The following WRN variants were observed in gnomAD, a reference collection of about 807,000 sequenced individuals.
The protein encoded by WRN is WRN RecQ like helicase.
In WRN, 149 loss-of-function variants were observed where a neutral mutation model predicts 180.7. The ratio of observed to expected loss-of-function variants is 0.82; its 90% CI spans 0.72 to 0.94. The LOEUF is 0.94. Among genes scored for constraint, WRN ranks in the 40% least tolerant of loss-of-function variants. The probability of loss-of-function intolerance (pLI) is 0.00; values close to 1 mark genes in which losing one functional copy is unlikely to be tolerated. For synonymous variants in WRN, 548 were observed against 568.9 expected, an observed-to-expected ratio of 0.96 and a Z score of 0.52; for missense variants, 1,661 against 1,700.1, an observed-to-expected ratio of 0.98 and a Z score of 0.40.
Position 31,081,065 on chromosome 8 carries a change from A to T in WRN, c.1038A>T (p.Thr346=). Residue 346 remains threonine, a synonymous_variant, in exon 9 of 35, where the codon ACA becomes ACT. Transcript: ENST00000298139. The part of the protein sequence containing the change: ...HEVLIHVEDE[T]WDPTLDHLAK... ...TTTTAATTCACGTTGAAGATGAAAC[A>T]TGGGACCCAACACTTGATCATTTAG... 1 of 1,614,064 alleles carries T rather than the reference A, an allele frequency of 6.2e-7. No homozygotes were observed.
intron 33 of WRN, among the ~76,000 whole-genome samples, chr8:31,161,987 T>C (rs1585542991): frequency 6.6e-6 from 1 of 152,246 alleles, no homozygotes; most frequent in Admixed American, 6.5e-5. Context: ...TGCTGTAGAC[T>C]TTATAAACCC....
At chr8:31,048,165 T>A (rs1386796430) in intron 1 of WRN, among the ~76,000 whole-genome samples, 2 of 152,210 alleles carry the variant, frequency 1.3e-5, no homozygotes, top group Admixed American at 1.3e-4. Context: ...CTACTACTTT[T>A]AAAAATTACA....
intron 33 of WRN, among the ~76,000 whole-genome samples, chr8:31,160,150 TAAC>T (rs1224557192): frequency 2.0e-5 from 3 of 152,184 alleles, no homozygotes; most frequent in African/African-American, 7.2e-5. Flanking sequence ...GACAGTATCT[TAAC>T]AACGAATTCT....
intron 1 of WRN, among the ~76,000 whole-genome samples, chr8:31,053,060 G>T (rs940692368): frequency 6.6e-6 from 1 of 152,096 alleles, no homozygotes; most frequent in Admixed American, 6.6e-5. Flanking sequence ...AATCAAAAAG[G>T]CATTCATTTC....
intron 33 of WRN, among the ~76,000 whole-genome samples, chr8:31,157,873 G>A (rs973881400): frequency 3.3e-5 from 5 of 151,944 alleles, no homozygotes; most frequent in Non-Finnish European, 5.9e-5. Flanking sequence ...GACTACAGGC[G>A]TGTGCCACCA....
chr8:31,033,989 A>C lies in WRN; in HGVS notation c.-77+16A>C, dbSNP rs1811343170. ...TCTTCTCGGGGTAAAGTGTCTTCCTATTCCCGTTTTCCCAGCTCCGTGCCC... is the reference window on the plus strand; with the variant it reads ...TCTTCTCGGGGTAAAGTGTCTTCCTCTTCCCGTTTTCCCAGCTCCGTGCCC... On this transcript the variant is annotated intron_variant, in intron 1 of 34. Coordinates refer to ENST00000298139, the MANE Select transcript of WRN (RefSeq NM_000553.6). The C allele has an allele frequency of 6.6e-6, 1 of 152,182 alleles. No individual in the cohort carries two copies. The highest frequency in any genetic ancestry group is 6.5e-5 in the Admixed American group (1 of 15,282). 9.4% of individuals were successfully genotyped at this position (152,182 alleles called of 1,614,324 possible). A position where few individuals can be genotyped will look rare whatever the true frequency, so the allele number is the denominator to read the frequency against.
intron 1 of WRN, among the ~76,000 whole-genome samples, chr8:31,041,747 G>GT (rs1811664672): frequency 6.6e-6 from 1 of 152,168 alleles, no homozygotes; most frequent in South Asian, 2.1e-4. Context: ...TTAGGGAAAA[G>GT]TTGTAGGATT....
intron 33 of WRN, among the ~76,000 whole-genome samples, chr8:31,161,848 A>AAAC (rs1347121877): frequency 1.3e-5 from 2 of 151,360 alleles, no homozygotes; most frequent in African/African-American, 2.4e-5. Context: ...CAAAAAAAAA[A>AAAC]AAAAAAAAGA....
intron 1 of WRN, among the ~76,000 whole-genome samples, chr8:31,035,391 C>T (rs1249873518): frequency 6.6e-6 from 1 of 152,114 alleles, no homozygotes; most frequent in Non-Finnish European, 1.5e-5. Context: ...AGTGAGAGAA[C>T]TTACCTTGAC....
At chr8:31,150,616 A>G (rs752821517) in intron 31 of WRN, among the ~76,000 whole-genome samples, 161 bp downstream of exon 31, 4 of 152,228 alleles carry the variant, frequency 2.6e-5, no homozygotes, top group Non-Finnish European at 5.9e-5. Context: ...TCTGTTGTAA[A>G]AACATGTCAG....
chr8:31,061,297 C>T (rs1812475405), intron 3 of WRN, among the ~76,000 whole-genome samples: 1 of 151,928 alleles, frequency 6.6e-6, no homozygotes, highest in Non-Finnish European at 1.5e-5. Flanking sequence ...TTAGATACTA[C>T]ATATTTTGTT....
At position 31,076,298 on chromosome 8, in the gene WRN, A is replaced by C; in HGVS notation, c.839+11A>C. 1.9e-6 allele frequency: 3 copies of C among 1,556,680 alleles called. No individual in the cohort carries two copies. The highest frequency in any genetic ancestry group is 2.8e-5 in the African/African-American group (2 of 72,488). ...GGAAAACCCACGGAGGTTAAATATTACCTTTTTTTTTTTTAACTTAAATCA... is the reference window on the plus strand; with the variant it reads ...GGAAAACCCACGGAGGTTAAATATTCCCTTTTTTTTTTTTAACTTAAATCA... On this transcript the variant is annotated intron_variant, in intron 8 of 34. Transcript: ENST00000298139.
chr8:31,111,818 A>T lies in WRN; in HGVS notation c.2273+19A>T, dbSNP rs1466102298. 1.2e-6 allele frequency: 2 copies of T among 1,609,484 alleles called. No homozygotes were observed. The highest frequency in any genetic ancestry group is 1.7e-6 in the Non-Finnish European group (2 of 1,177,290). On this transcript the variant is annotated intron_variant, in intron 19 of 34. Coordinates refer to ENST00000298139, the MANE Select transcript of WRN (RefSeq NM_000553.6). ...AAACAAGGTAAGGATTTAATGGTTG[A>T]TGAATTTTGGTAATGATTTCCTTTT...
In WRN at chr8:31,130,026, A is replaced by C. The variant is rs75238135; in HGVS notation, c.2826-2339A>C. The stretch of plus-strand genomic sequence containing the variant: ...TCTCAAAAAAAAAACAAAACAAAAC[A>C]AAAAAAAAAACTAGTAAGAGGGCCC... On this transcript the variant is annotated intron_variant, in intron 23 of 34. Coordinates refer to ENST00000298139, the MANE Select transcript of WRN (RefSeq NM_000553.6). Among the ~76,000 whole-genome samples the C allele has an allele frequency of 1.3e-3, 176 of 135,222 alleles. 3 individuals are homozygous for C. Among genetic ancestry groups the C allele is most frequent in the African/African-American group, 5.3e-3 (162 of 30,656 alleles). 88.7% of individuals were successfully genotyped at this position (135,222 alleles called of 152,430 possible). A position where few individuals can be genotyped will look rare whatever the true frequency, so the allele number is the denominator to read the frequency against.
rs71206302 is a variant in WRN, at chr8:31,131,160, C to CTTTTTTTTTTTTTTTTTTTT, written c.2826-1196_2826-1195insTTTTTTTTTTTTTTTTTTTT. Among the ~76,000 whole-genome samples the CTTTTTTTTTTTTTTTTTTTT allele has an allele frequency of 2.9e-4, 31 of 106,814 alleles. 2 individuals are homozygous for CTTTTTTTTTTTTTTTTTTTT. Among genetic ancestry groups the CTTTTTTTTTTTTTTTTTTTT allele is most frequent in the African/African-American group, 3.9e-4 (11 of 28,218 alleles). 70.1% of individuals were successfully genotyped at this position (106,814 alleles called of 152,430 possible). On this transcript the variant is annotated intron_variant, in intron 23 of 34. Transcript: ENST00000298139. ...TGTGGTGGAACCAAATTGCAACTTT[C>CTTTTTTTTTTTTTTTTTTTT]TTTTTTTTTGAGACAGAGTTTTGCT...
intron 18 of WRN, among the ~76,000 whole-genome samples, chr8:31,102,176 C>G (rs1308314570): frequency 6.6e-6 from 1 of 152,204 alleles, no homozygotes; most frequent in Non-Finnish European, 1.5e-5. Context: ...CAAATGTTCC[C>G]TTACCACAAA....
chr8:31,087,705 C>A, intron 11 of WRN, 71 bp from the exon 12 acceptor site: 1 of 1,510,600 alleles, frequency 6.6e-7, no homozygotes. Context: ...AATAATAGTC[C>A]TTTTGTGTTT....
In WRN at chr8:31,108,471, A is replaced by T. The variant is rs868854628; in HGVS notation, c.2089-3144A>T. Among the ~76,000 whole-genome samples the T allele has an allele frequency of 5.3e-5, 8 of 151,138 alleles. No homozygotes were observed. In the South Asian group the frequency reaches 1.0e-3, roughly 20 times the overall value. Reference sequence around the variant, plus strand: ...GCTTATCATTAATTTTTATTTATTTATTTTTTTTTCCAGTTTTGGAATTCT... The same window carrying T: ...GCTTATCATTAATTTTTATTTATTTTTTTTTTTTTCCAGTTTTGGAATTCT... On this transcript the variant is annotated intron_variant, in intron 18 of 34. Transcript: ENST00000298139.
intron 17 of WRN, among the ~76,000 whole-genome samples, chr8:31,100,286 T>G (rs982195792): frequency 1.1e-4 from 17 of 152,172 alleles, no homozygotes; most frequent in Admixed American, 9.2e-4. Context: ...AAATAACATT[T>G]CTTCTTACTA....
Sources: allele counts gnomAD v4.1 joint callset (sites outside exome capture counted in the v4.1 genomes callset), GRCh38; gene constraint gnomAD v4.1.1; transcripts MANE v1.5; gene names NCBI Gene and HGNC (gene_info 2026-07-23, HGNC 2026-07-21).